The following RB1 variants were observed in gnomAD, a reference collection of about 807,000 sequenced individuals.
RB1 encodes the protein retinoblastoma-associated protein.
A neutral mutation model predicts 135.4 loss-of-function variants in RB1; 18 were observed. That is an observed-to-expected ratio of 0.13 (90% CI 0.09 to 0.20). The LOEUF (loss-of-function observed/expected upper bound fraction) is 0.20. Ranked by LOEUF, RB1 falls within the 10% of genes least tolerant of loss-of-function variation. The probability of loss-of-function intolerance (pLI) is 1.00; values close to 1 mark genes in which losing one functional copy is unlikely to be tolerated. For synonymous variants in RB1, 365 were observed against 373.2 expected (o/e 0.98, Z 0.25); for missense variants, 868 against 1,110.0 (o/e 0.78, Z 3.10).
intron 20 of RB1, among the ~76,000 whole-genome samples, chr13:48,462,360 A>G (rs1949411564): frequency 7.6e-6 from 1 of 132,194 alleles, no homozygotes; most frequent in Non-Finnish European, 1.6e-5. Flanking sequence ...GTTGAGCTCA[A>G]GTAAGCCACC....
At chr13:48,339,613 G>A (rs1952423968) in intron 2 of RB1, among the ~76,000 whole-genome samples, 1 of 152,176 alleles carries the variant, frequency 6.6e-6, no homozygotes, top group African/African-American at 2.4e-5. Context: ...GTGACCCCCT[G>A]TGCTTCCCAG....
At chr13:48,404,827 A>G (rs914592184) in intron 17 of RB1, among the ~76,000 whole-genome samples, 2 of 152,086 alleles carry the variant, frequency 1.3e-5, no homozygotes, top group African/African-American at 4.8e-5. Context: ...ACCCAGCAAA[A>G]AATTCAGAAT....
At chr13:48,371,552 A>C (rs1952758952) in intron 11 of RB1, among the ~76,000 whole-genome samples, 1 of 152,134 alleles carries the variant, frequency 6.6e-6, no homozygotes, top group Non-Finnish European at 1.5e-5. Context: ...AGATTTGATA[A>C]ATATTTGATG....
chr13:48,390,060 T>C lies in RB1; in HGVS notation c.1695+8617T>C, dbSNP rs4942763. Among the ~76,000 whole-genome samples, 1,376 of 152,058 alleles carry C rather than the reference T, an allele frequency of 9.0e-3. 69 individuals carry two copies. The highest frequency in any genetic ancestry group is 0.08 in the Admixed American group (1,216 of 15,262). ...TTCTTGGGAGGCTGAACTGGGAGAA[T>C]TGCCTGAGCCTGGGATGTTAAGGCT... On this transcript the variant is annotated intron_variant, in intron 17 of 26. Coordinates refer to ENST00000267163, the MANE Select transcript of RB1 (RefSeq NM_000321.3).
At chr13:48,396,367 G>T (rs1948648317) in intron 17 of RB1, among the ~76,000 whole-genome samples, 2 of 152,090 alleles carry the variant, frequency 1.3e-5, no homozygotes, top group South Asian at 4.1e-4. Context: ...TCTGATTTTT[G>T]ACAAACTTGA....
intron 20 of RB1, 92 bp downstream of exon 20, chr13:48,459,925 C>A: frequency 2.0e-6 from 1 of 489,734 alleles, no homozygotes; most frequent in Admixed American, 5.0e-5. Flanking sequence ...TTCTTTCTTT[C>A]TTTCTTTCTT....
At chr13:48,318,871 C>A in intron 2 of RB1, 1 of 1,134,872 alleles carries the variant, frequency 8.8e-7, no homozygotes, top group South Asian at 1.2e-5. Context: ...GTCAAAACGT[C>A]TGGATTTCCT....
chr13:48,379,741 C>G, intron 14 of RB1, 91 bp downstream of exon 14: 1 of 1,475,246 alleles, frequency 6.8e-7, no homozygotes, highest in South Asian at 1.2e-5. Context: ...GTGGGCAGAT[C>G]AGGAGGTCAA....
chr13:48,476,857 T>C lies in RB1; in HGVS notation c.2663+14T>C, dbSNP rs1414548613. 3 of 1,613,002 alleles carry C rather than the reference T, an allele frequency of 1.9e-6. No individual in the cohort carries two copies. The highest frequency in any genetic ancestry group is 2.5e-6 in the Non-Finnish European group (3 of 1,179,288). On this transcript the variant is annotated intron_variant, in intron 25 of 26. Transcript: ENST00000267163. ...AGCAGATGGAAGGTAGGAACCAGTT[T>C]TGAATGTTTTCCAGTAGCCGAGATG...
intron 23 of RB1, among the ~76,000 whole-genome samples, chr13:48,472,985 G>GT (rs1256315710): frequency 1.3e-5 from 2 of 152,082 alleles, no homozygotes; most frequent in Non-Finnish European, 2.9e-5. Flanking sequence ...AATATTCTAA[G>GT]TTTTTTCCAA....
chr13:48,375,687 T>C (rs1269270643), intron 12 of RB1, among the ~76,000 whole-genome samples: 1 of 151,992 alleles, frequency 6.6e-6, no homozygotes, highest in African/African-American at 2.4e-5. Flanking sequence ...CAAGCGATTC[T>C]TGTGACTCAG....
At position 48,459,626 on chromosome 13, in the gene RB1, A is replaced by G. The variant is rs928321075; in HGVS notation, c.1961-62A>G. 3.2e-6 allele frequency: 5 copies of G among 1,575,722 alleles called. No individual in the cohort carries two copies. The East Asian group carries it at 1.1e-4, about 35-fold the overall frequency. On this transcript the variant is annotated intron_variant, in intron 19 of 26. Transcript: ENST00000267163. ...TAATTAGAGCGATTTCATGATTTGAAAAAAATCTACTTGTAATTCAAAATG... is the reference window on the plus strand; with the variant it reads ...TAATTAGAGCGATTTCATGATTTGAGAAAAATCTACTTGTAATTCAAAATG...
chr13:48,307,647 G>C (rs538893914), intron 2 of RB1, among the ~76,000 whole-genome samples: 21 of 145,982 alleles, frequency 1.4e-4, no homozygotes, highest in African/African-American at 4.5e-4. Context: ...CTGAGCTCAG[G>C]AGTTCGAGAC....
intron 17 of RB1, among the ~76,000 whole-genome samples, chr13:48,451,652 GTCCCT>G (rs1566232555): frequency 6.6e-6 from 1 of 151,908 alleles, no homozygotes; most frequent in African/African-American, 2.4e-5. Context: ...TTAGGGAGGA[GTCCCT>G]TCCTTTCAAT....
chr13:48,459,825 T>G lies in RB1; in HGVS notation c.2098T>G (p.Leu700Val), dbSNP rs2138336509. ...GTATGAACTCATGAGAGACAGGCATTTGGACCAAGTAAGAAAATCAAGCAC... is the reference window on the plus strand; with the variant it reads ...GTATGAACTCATGAGAGACAGGCATGTGGACCAAGTAAGAAAATCAAGCAC... Reference protein sequence around the residue: ...NEYELMRDRHLDQIMMCSMYG... With the variant: ...NEYELMRDRHVDQIMMCSMYG... The change falls in exon 20 of 27, where the codon TTG (leucine) becomes GTG (valine). Residue 700 changes from leucine (L) to valine (V), a missense_variant. Physicochemically the swap from Leu to Val is conservative, Grantham distance 32. Transcript: ENST00000267163. The G allele has an allele frequency of 6.2e-7, 1 of 1,613,564 alleles. No homozygotes were observed. The highest frequency in any genetic ancestry group is 8.5e-7 in the Non-Finnish European group (1 of 1,179,640).
At chr13:48,328,651 A>C in intron 2 of RB1, 1 of 525,992 alleles carries the variant, frequency 1.9e-6, no homozygotes, top group African/African-American at 2.7e-5. Flanking sequence ...AATAGCTACA[A>C]GGTATTTCTT....
intron 2 of RB1, among the ~76,000 whole-genome samples, chr13:48,324,331 T>A (rs1254264768): frequency 1.3e-5 from 2 of 152,164 alleles, no homozygotes; most frequent in East Asian, 3.8e-4. Context: ...TCTAACTGTC[T>A]TTTTGTACCC....
chr13:48,363,447 C>T lies in RB1; in HGVS notation c.861+490C>T, dbSNP rs190294329. On this transcript the variant is annotated intron_variant, in intron 8 of 26. Transcript: ENST00000267163. ...TGGCATGTGCCTGTAGTCCCAGCTA[C>T]TTGGAAGACTGAGGCAAAAGGATTG... Among the ~76,000 whole-genome samples, 236 of 152,242 alleles carry T rather than the reference C, an allele frequency of 1.6e-3. 1 individual carries two copies. The highest frequency in any genetic ancestry group is 5.3e-3 in the African/African-American group (222 of 41,558).
intron 2 of RB1, chr13:48,317,979 C>T (rs1317139930): frequency 8.6e-6 from 4 of 465,526 alleles, no homozygotes; most frequent in Admixed American, 2.9e-5. Flanking sequence ...ATCTACAGTT[C>T]GATGCTCTCG....
Sources: allele counts gnomAD v4.1 joint callset (sites outside exome capture counted in the v4.1 genomes callset), GRCh38; gene constraint gnomAD v4.1.1; transcripts MANE v1.5; gene names NCBI Gene and HGNC (gene_info 2026-07-23, HGNC 2026-07-21).